The following CEBPZOS variants were observed in gnomAD, a reference collection of about 807,000 sequenced individuals.
CEBPZOS encodes protein CEBPZOS.
CEBPZOS carries 10 observed loss-of-function variants against 4.8 expected under a neutral mutation model. The ratio of observed to expected loss-of-function variants is 2.07; its 90% CI spans 1.28 to 3.52. The LOEUF (loss-of-function observed/expected upper bound fraction) is 3.52. CEBPZOS is among the 30% of genes most tolerant of loss of function. The probability of loss-of-function intolerance (pLI) is 0.00; values close to 1 mark genes in which losing one functional copy is unlikely to be tolerated. For synonymous variants in CEBPZOS, 25 were observed against 14.2 expected (o/e 1.77, Z -1.72); for missense variants, 98 against 43.6 (o/e 2.25, Z -3.51).
chr2:37,210,639 G>A (rs557340739), intron 4 of CEBPZOS: 50 of 164,996 alleles, frequency 3.0e-4, no homozygotes, highest in Middle Eastern at 5.8e-3. Flanking sequence ...GGGAGGCAGT[G>A]GGGGATAAGA....
intron 4 of CEBPZOS, chr2:37,212,072 A>C (rs765916290): frequency 3.6e-5 from 55 of 1,541,160 alleles, no homozygotes; most frequent in Non-Finnish European, 4.8e-5. Flanking sequence ...ATACAAGAGG[A>C]GGCAGTATTT....
downstream of CEBPZOS, among the ~76,000 whole-genome samples, chr2:37,207,248 G>A (rs558689018): frequency 1.3e-5 from 2 of 152,280 alleles, no homozygotes; most frequent in East Asian, 3.9e-4. Context: ...GGGTCATCAA[G>A]ACAGAAAGTC....
rs529706957 is a variant in CEBPZOS at position 37,202,826 on chromosome 2, C to G, written c.*966C>G. The G allele has an allele frequency of 6.2e-7, 1 of 1,600,168 alleles. No homozygotes were observed. Among genetic ancestry groups the G allele is most frequent in the African/African-American group, 1.3e-5 (1 of 74,428 alleles). On this transcript the variant is annotated 3_prime_UTR_variant, in exon 5 of 5. Coordinates refer to ENST00000402297, the MANE Select transcript of CEBPZOS (RefSeq NM_001322374.2). Reference sequence around the variant, plus strand: ...GCCATGGCATTCATGCCAATGTTATCAAACTTGGATCCCATATTTTCATCC... The same window carrying G: ...GCCATGGCATTCATGCCAATGTTATGAAACTTGGATCCCATATTTTCATCC...
chr2:37,201,569 G>T lies in CEBPZOS; in HGVS notation c.161-73G>T, dbSNP rs562543277. The T allele has an allele frequency of 6.1e-4, 393 of 646,530 alleles. 1 individual carries two copies. Among genetic ancestry groups the T allele is most frequent in the Non-Finnish European group, 8.7e-4 (313 of 359,894 alleles). 40.0% of individuals were successfully genotyped at this position (646,530 alleles called of 1,614,324 possible). A position where few individuals can be genotyped will look rare whatever the true frequency, so the allele number is the denominator to read the frequency against. The stretch of plus-strand genomic sequence containing the variant: ...TGTAGCAATATGGAAAAAAGAAGTT[G>T]TTTTTTTCAATACATTTAATTTTAA... On this transcript the variant is annotated intron_variant, in intron 3 of 4. Transcript: ENST00000402297.
downstream of CEBPZOS, among the ~76,000 whole-genome samples, chr2:37,207,308 C>G (rs183059866): frequency 2.0e-5 from 3 of 152,186 alleles, no homozygotes; most frequent in Admixed American, 2.0e-4. Context: ...ATGGACTTAA[C>G]AGATACCTAC....
intron 4 of CEBPZOS, among the ~76,000 whole-genome samples, chr2:37,212,931 C>T (rs1220591368): frequency 2.6e-5 from 4 of 151,440 alleles, no homozygotes; most frequent in African/African-American, 7.3e-5. Flanking sequence ...CCCAGCTACC[C>T]GTGGGGCTGA....
At chr2:37,198,629 A>T (rs2148317310) in intron 1 of CEBPZOS, 1 of 152,364 alleles carries the variant, frequency 6.6e-6, no homozygotes, top group South Asian at 2.1e-4. Flanking sequence ...CTTTGAGGTT[A>T]TAAGGAGGCT....
In CEBPZOS at chr2:37,201,807, T is replaced by C. The variant is rs770601107; in HGVS notation, c.*3-56T>C. 10 of 1,580,062 alleles carry C rather than the reference T, an allele frequency of 6.3e-6. No individual in the cohort carries two copies. Among genetic ancestry groups the C allele is most frequent in the East Asian group, 2.2e-5 (1 of 44,720 alleles). On this transcript the variant is annotated intron_variant, in intron 4 of 4. Coordinates refer to ENST00000402297, the MANE Select transcript of CEBPZOS (RefSeq NM_001322374.2). ...AGTTTTTTGAGTGGTTTTAATCCTC[T>C]TCTTTTTAAAATGTTTCTTTTTCTT... is the stretch of plus-strand genomic sequence containing the variant.
rs1341400790 is a variant in CEBPZOS at position 37,199,704 on chromosome 2, G to A, written c.-1G>A. 1.4e-6 allele frequency: 1 copy of A among 716,164 alleles called. No homozygotes were observed. The highest frequency in any genetic ancestry group is 1.7e-5 in the African/African-American group (1 of 57,154). 44.4% of individuals were successfully genotyped at this position (716,164 alleles called of 1,614,324 possible). On this transcript the variant is annotated splice_region_variant and 5_prime_UTR_variant, in exon 2 of 5. Coordinates refer to ENST00000402297, the MANE Select transcript of CEBPZOS (RefSeq NM_001322374.2). Reference sequence around the variant, plus strand: ...TACACATATCTGTTGTTAAATTTAGGATGGCCCGTACTTTGGAACCACTAG... The same window carrying A: ...TACACATATCTGTTGTTAAATTTAGAATGGCCCGTACTTTGGAACCACTAG...
In CEBPZOS at chr2:37,199,818, A is replaced by G. The variant is rs1677128492; in HGVS notation, c.114A>G (p.Gln38=). 1 of 717,564 alleles carries G rather than the reference A, an allele frequency of 1.4e-6. No homozygotes were observed. Among genetic ancestry groups the G allele is most frequent in the East Asian group, 2.7e-5 (1 of 37,282 alleles). 44.4% of individuals were successfully genotyped at this position (717,564 alleles called of 1,614,324 possible). A position where few individuals can be genotyped will look rare whatever the true frequency, so the allele number is the denominator to read the frequency against. ...YFLFSKMHTS[Q]DFRQTMSKKY... is the part of the protein sequence containing the mutation. ...TGTTTAGCAAGATGCACACAAGCCA[A>G]GGTAATCATAATTCAGAAGTTAATG... The change falls in exon 2 of 5, where the codon CAA becomes CAG. Residue 38 remains glutamine, a splice_region_variant and synonymous_variant. Transcript: ENST00000402297.
At chr2:37,206,169 A>G (rs2148339313), downstream of CEBPZOS, among the ~76,000 whole-genome samples, 1 of 152,322 alleles carries the variant, frequency 6.6e-6, no homozygotes, top group Middle Eastern at 3.4e-3. Flanking sequence ...AAAATGGCGG[A>G]TAAGGGGACA....
chr2:37,202,956 A>G lies in CEBPZOS; in HGVS notation c.*1096A>G. On this transcript the variant is annotated 3_prime_UTR_variant, in exon 5 of 5. Coordinates refer to ENST00000402297, the MANE Select transcript of CEBPZOS (RefSeq NM_001322374.2). ...AACAGTACATTAGCCTTACCTCTTC[A>G]GCAGATACAAATAGGCTGGAATCAT... The G allele has an allele frequency of 1.3e-6, 2 of 1,579,284 alleles. No individual in the cohort carries two copies. Among genetic ancestry groups the G allele is most frequent in the Non-Finnish European group, 1.7e-6 (2 of 1,165,426 alleles).
At chr2:37,212,739 C>T in intron 4 of CEBPZOS, 1 of 214,496 alleles carries the variant, frequency 4.7e-6, no homozygotes, top group Non-Finnish European at 9.2e-6. Context: ...AGGTGTGATA[C>T]AATATGTAAC....
chr2:37,203,226 C>CACT lies in CEBPZOS; in HGVS notation c.*1367_*1368insCTA. 3.0e-6 allele frequency: 1 copy of CACT among 329,980 alleles called. No homozygotes were observed. 20.4% of individuals were successfully genotyped at this position (329,980 alleles called of 1,614,324 possible). On this transcript the variant is annotated 3_prime_UTR_variant, in exon 5 of 5. Transcript: ENST00000402297. ...CATCCTAATAGAACTGTTCAGATGA[C>CACT]AAGAGTGTCTTCTTGCTTTTCAGAT...
chr2:37,199,487 T>C (rs1469030469), intron 1 of CEBPZOS, among the ~76,000 whole-genome samples: 1 of 152,238 alleles, frequency 6.6e-6, no homozygotes, highest in Non-Finnish European at 1.5e-5. Flanking sequence ...CTGTGCTTTA[T>C]CCAATTTTGT....
Position 37,202,939 on chromosome 2 carries a change from A to G in CEBPZOS, c.*1079A>G. 1 of 1,594,934 alleles carries G rather than the reference A, an allele frequency of 6.3e-7. No individual in the cohort carries two copies. On this transcript the variant is annotated 3_prime_UTR_variant, in exon 5 of 5. Coordinates refer to ENST00000402297, the MANE Select transcript of CEBPZOS (RefSeq NM_001322374.2). ...AATAGCTAGCTTGTTAAAACAGTACATTAGCCTTACCTCTTCAGCAGATAC... is the reference window on the plus strand; with the variant it reads ...AATAGCTAGCTTGTTAAAACAGTACGTTAGCCTTACCTCTTCAGCAGATAC...
At chr2:37,212,204 A>C in intron 4 of CEBPZOS, 1 of 982,954 alleles carries the variant, frequency 1.0e-6, no homozygotes, top group South Asian at 1.5e-5. Flanking sequence ...AGATGAAAGT[A>C]CTGTATCCAC....
intron 4 of CEBPZOS, chr2:37,212,418 A>C: frequency 6.3e-7 from 1 of 1,584,962 alleles, no homozygotes; most frequent in Non-Finnish European, 8.7e-7. Context: ...GAAATGTGAG[A>C]TACAACAAAG....
chr2:37,199,125 C>G (rs752418613), intron 1 of CEBPZOS, among the ~76,000 whole-genome samples: 2 of 152,070 alleles, frequency 1.3e-5, no homozygotes, highest in Non-Finnish European at 2.9e-5. Context: ...TGAACTATGG[C>G]ACAGTTTAGT....
Sources: gnomAD v4.1 joint callset for allele counts (sites outside exome capture counted in the v4.1 genomes callset) on GRCh38, gnomAD v4.1.1 for gene constraint, MANE v1.5 for transcripts, NCBI Gene and HGNC (gene_info 2026-07-23, HGNC 2026-07-21) for gene names.